Variants in DRC8 observed in about 807,000 individuals in gnomAD.
DRC8 encodes the protein dynein regulatory complex subunit 8.
At chr1:244,985,476 C>T in the DRC8 span, among the ~76,000 whole-genome samples, 4 of 152,138 alleles carry the variant, frequency 2.6e-5, no homozygotes, top group Admixed American at 1.3e-4. Context: ...CCTTACTTAC[C>T]GTGTTAGGCC....
the DRC8 span, among the ~76,000 whole-genome samples, chr1:244,990,640 G>C: frequency 6.6e-6 from 1 of 152,056 alleles, no homozygotes; most frequent in South Asian, 2.1e-4. Context: ...GCCCCATCAA[G>C]GTGTGGTGTT....
the DRC8 span, among the ~76,000 whole-genome samples, chr1:245,118,655 G>A: frequency 6.6e-4 from 100 of 152,188 alleles, no homozygotes; most frequent in Middle Eastern, 3.4e-3. Flanking sequence ...GCCTGGCGTG[G>A]TGGTGCATGC....
chr1:245,018,235 A>G, the DRC8 span, among the ~76,000 whole-genome samples: 1 of 151,774 alleles, frequency 6.6e-6, no homozygotes, highest in African/African-American at 2.4e-5. Flanking sequence ...TCAAAAAAAA[A>G]AAAAAAAAAA....
chr1:245,000,329 CAACTTAA>C, the DRC8 span, among the ~76,000 whole-genome samples: 2 of 152,162 alleles, frequency 1.3e-5, no homozygotes, highest in African/African-American at 4.8e-5. Flanking sequence ...CAACTGCGTG[CAACTTAA>C]AACTTAAGAA....
At chr1:245,027,032 G>A in the DRC8 span, among the ~76,000 whole-genome samples, 33 of 152,108 alleles carry the variant, frequency 2.2e-4, no homozygotes, top group South Asian at 6.2e-4. Flanking sequence ...ATTGGCTGTC[G>A]TATTTTCTCC....
the DRC8 span, among the ~76,000 whole-genome samples, chr1:245,090,004 T>C: frequency 2.1e-3 from 324 of 152,126 alleles, no homozygotes; most frequent in African/African-American, 7.0e-3. Flanking sequence ...GAGAAAGAGT[T>C]GAGAAAGAGC....
chr1:245,070,268 T>G, the DRC8 span, among the ~76,000 whole-genome samples: 224 of 152,334 alleles, frequency 1.5e-3, no homozygotes, highest in African/African-American at 4.8e-3. Flanking sequence ...TTCCTAATAT[T>G]TAATTATATG....
At chr1:244,977,838 A>G in the DRC8 span, among the ~76,000 whole-genome samples, 1 of 152,184 alleles carries the variant, frequency 6.6e-6, no homozygotes, top group African/African-American at 2.4e-5. Context: ...TAACATTTGC[A>G]TGTCCAACTA....
chr1:245,083,798 A>C, the DRC8 span: 1 of 1,435,916 alleles, frequency 7.0e-7, no homozygotes, highest in Non-Finnish European at 9.2e-7. Context: ...TTCTGGTGAA[A>C]GTTATTTACT....
the DRC8 span, among the ~76,000 whole-genome samples, chr1:244,995,970 C>T: frequency 1.3e-5 from 2 of 152,224 alleles, no homozygotes; most frequent in Non-Finnish European, 2.9e-5. Context: ...TAGATGTTAT[C>T]TAGTACTATT....
chr1:245,084,404 G>C, the DRC8 span, among the ~76,000 whole-genome samples: 5 of 152,024 alleles, frequency 3.3e-5, no homozygotes, highest in Admixed American at 6.6e-5. Flanking sequence ...AGATAATGTA[G>C]CCTCAATTGA....
At chr1:245,018,555 G>C in the DRC8 span, among the ~76,000 whole-genome samples, 5 of 152,268 alleles carry the variant, frequency 3.3e-5, no homozygotes, top group South Asian at 6.2e-4. Flanking sequence ...GGTTAGGGAG[G>C]GGGTGCAGCA....
At chr1:245,065,842 C>G in the DRC8 span, among the ~76,000 whole-genome samples, 1 of 151,658 alleles carries the variant, frequency 6.6e-6, no homozygotes, top group African/African-American at 2.4e-5. Context: ...GTCTAGCTGC[C>G]AGTTCGGACA....
At chr1:245,012,359 T>G in the DRC8 span, among the ~76,000 whole-genome samples, 1 of 151,764 alleles carries the variant, frequency 6.6e-6, no homozygotes, top group Non-Finnish European at 1.5e-5. Context: ...ATAAAATGGA[T>G]TATTATCACT....
chr1:244,983,050 C>T, the DRC8 span, among the ~76,000 whole-genome samples: 1 of 151,714 alleles, frequency 6.6e-6, no homozygotes, highest in Admixed American at 6.6e-5. Context: ...GGTGAGACTC[C>T]AATCTCCTAG....
chr1:245,042,205 G>T, the DRC8 span, among the ~76,000 whole-genome samples: 1 of 152,230 alleles, frequency 6.6e-6, no homozygotes, highest in Non-Finnish European at 1.5e-5. Flanking sequence ...TGACCGTGTG[G>T]TTAAATTGTT....
chr1:245,038,050 T>G, the DRC8 span, among the ~76,000 whole-genome samples: 1 of 152,204 alleles, frequency 6.6e-6, no homozygotes, highest in East Asian at 1.9e-4. Flanking sequence ...CAAATAATTC[T>G]AAATTAACTT....
chr1:244,992,611 C>G, the DRC8 span, among the ~76,000 whole-genome samples: 1 of 151,876 alleles, frequency 6.6e-6, no homozygotes, highest in Non-Finnish European at 1.5e-5. Context: ...ATGGTGGTAC[C>G]CATCTGTAAT....
At chr1:244,989,375 G>A in the DRC8 span, among the ~76,000 whole-genome samples, 2 of 152,178 alleles carry the variant, frequency 1.3e-5, no homozygotes, top group South Asian at 4.1e-4. Context: ...CCTCTTGGCT[G>A]TGATCGTTTC....
Sources: allele counts gnomAD v4.1 joint callset (sites outside exome capture counted in the v4.1 genomes callset), GRCh38; gene constraint gnomAD v4.1.1; transcripts MANE v1.5; gene names NCBI Gene and HGNC (gene_info 2026-07-23, HGNC 2026-07-21).